CYFIP2: variants seen among roughly 807,000 people sequenced by gnomAD.
The protein encoded by CYFIP2 is cytoplasmic FMR1-interacting protein 2.
A neutral mutation model predicts 158.7 loss-of-function variants in CYFIP2; 29 were observed. The observed-to-expected ratio is 0.18, with a 90% CI of 0.14 to 0.25. CYFIP2 has a LOEUF of 0.25. Among genes scored for constraint, CYFIP2 ranks in the 10% least tolerant of loss-of-function variants. The pLI is 1.00. For missense variants in CYFIP2, 852 were observed against 1,639.5 expected, an observed-to-expected ratio of 0.52 and a Z score of 8.29; for synonymous variants, 585 against 617.6, an observed-to-expected ratio of 0.95 and a Z score of 0.78.
At position 157,383,324 on chromosome 5, in the gene CYFIP2, C is replaced by G. The variant is rs779041559; in HGVS notation, c.3172C>G (p.Leu1058Val). 1.2e-6 allele frequency: 2 copies of G among 1,613,916 alleles called. No homozygotes were observed. The highest frequency in any genetic ancestry group is 8.5e-7 in the Non-Finnish European group (1 of 1,179,864). Residue 1058 changes from leucine to valine, a missense_variant, in exon 28 of 31, where the codon CTG (leucine) becomes GTG (valine). Physicochemically the swap from Leu to Val is conservative, Grantham distance 32. Transcript: ENST00000620254. ...GGAAGCCAAGTATGCCCCGCTCCACCTGGTCCCTCTGATCGAGCGGCTGGG... is the reference window on the plus strand; with the variant it reads ...GGAAGCCAAGTATGCCCCGCTCCACGTGGTCCCTCTGATCGAGCGGCTGGG... ...RLEAKYAPLH[L>V]VPLIERLGTP...
chr5:157,332,887 C>T (rs1385049278), intron 20 of CYFIP2, among the ~76,000 whole-genome samples: 1 of 152,174 alleles, frequency 6.6e-6, no homozygotes, highest in Non-Finnish European at 1.5e-5. Context: ...TTCAAGCTAT[C>T]CTCCTGTTGC....
intron 9 of CYFIP2, among the ~76,000 whole-genome samples, 187 bp downstream of exon 9, chr5:157,308,052 G>A (rs1759391798): frequency 1.3e-5 from 2 of 152,254 alleles, no homozygotes; most frequent in Admixed American, 1.3e-4. Context: ...CATTGATGGA[G>A]GCATTTATGC....
chr5:157,387,171 A>C (rs1162908737), intron 28 of CYFIP2, among the ~76,000 whole-genome samples: 1 of 152,256 alleles, frequency 6.6e-6, no homozygotes, highest in Non-Finnish European at 1.5e-5. Flanking sequence ...ACCTAAACAA[A>C]TCATACATAT....
intron 4 of CYFIP2, among the ~76,000 whole-genome samples, chr5:157,295,668 C>G (rs546949036): frequency 2.0e-5 from 3 of 152,350 alleles, no homozygotes; most frequent in Admixed American, 6.5e-5. Flanking sequence ...TTACATAAAA[C>G]TGTCTCATTC....
chr5:157,319,329 A>C (rs1760403443), intron 13 of CYFIP2, among the ~76,000 whole-genome samples: 1 of 152,238 alleles, frequency 6.6e-6, no homozygotes, highest in African/African-American at 2.4e-5. Flanking sequence ...AATTCTTTAG[A>C]AAATTTTATG....
intron 9 of CYFIP2, among the ~76,000 whole-genome samples, chr5:157,309,483 A>G (rs57653595): frequency 0.11 from 17,240 of 152,192 alleles, 1,440 homozygotes; most frequent in East Asian, 0.26. Context: ...GCTGTTGGCT[A>G]AGTGACCTTG....
Position 157,346,365 on chromosome 5 carries a change from G to A in CYFIP2, c.2673+5208G>A, listed in dbSNP as rs184460131. Among the ~76,000 whole-genome samples, 690 of 152,266 alleles carry A rather than the reference G, an allele frequency of 4.5e-3. 3 individuals are homozygous for A. The highest frequency in any genetic ancestry group is 9.5e-3 in the African/African-American group (393 of 41,550). Reference sequence around the variant, plus strand: ...GACCTGATTTAGAAATAGAGCCTTCGTAGATATAACTAGTTAAGGATCTCA... The same window carrying A: ...GACCTGATTTAGAAATAGAGCCTTCATAGATATAACTAGTTAAGGATCTCA... On this transcript the variant is annotated intron_variant, in intron 23 of 30. Coordinates refer to ENST00000620254, the MANE Select transcript of CYFIP2 (RefSeq NM_001037333.3).
At chr5:157,378,283 T>C (rs1377138354) in intron 26 of CYFIP2, among the ~76,000 whole-genome samples, 4 of 152,218 alleles carry the variant, frequency 2.6e-5, no homozygotes, top group Non-Finnish European at 4.4e-5. Flanking sequence ...GTATCAGTAA[T>C]TTCCTATTTC....
intron 26 of CYFIP2, among the ~76,000 whole-genome samples, chr5:157,368,397 C>T (rs959652998): frequency 6.6e-6 from 1 of 152,166 alleles, no homozygotes. Flanking sequence ...ATACACCCAC[C>T]TGTGCTTGAT....
intron 26 of CYFIP2, 24 bp from the exon 27 acceptor site, chr5:157,382,566 C>T (rs548923243): frequency 6.2e-7 from 1 of 1,613,030 alleles, no homozygotes; most frequent in African/African-American, 1.3e-5. Flanking sequence ...ATTGTTTTCT[C>T]TTTCTTTACC....
At chr5:157,290,905 A>G (rs1757771775) in intron 3 of CYFIP2, among the ~76,000 whole-genome samples, 1 of 152,208 alleles carries the variant, frequency 6.6e-6, no homozygotes, top group Admixed American at 6.5e-5. Flanking sequence ...TACGTAAACC[A>G]CATAACTGAC....
intron 1 of CYFIP2, among the ~76,000 whole-genome samples, chr5:157,268,955 G>T (rs182539096): frequency 6.0e-4 from 92 of 152,322 alleles, no homozygotes; most frequent in Non-Finnish European, 1.1e-3. Flanking sequence ...CCCAAGGGGT[G>T]CATGAAAGTG....
rs73307968 is a variant in CYFIP2, at chr5:157,383,305, C to T, written c.3153C>T (p.Ala1051=). Residue 1051 remains alanine (A), a synonymous_variant, in exon 28 of 31, where the codon GCC becomes GCT. Coordinates refer to ENST00000620254, the MANE Select transcript of CYFIP2 (RefSeq NM_001037333.3). The stretch of plus-strand genomic sequence containing the variant: ...AGGTCCGGATGAAACGTCTGGAAGC[C>T]AAGTATGCCCCGCTCCACCTGGTCC... ...RLEVRMKRLE[A]KYAPLHLVPL... The T allele has an allele frequency of 3.4e-3, 5,503 of 1,613,816 alleles. 170 individuals carry two copies. The African/African-American group carries it at 0.067, about 20-fold the overall frequency.
Position 157,311,354 on chromosome 5 carries a change from G to A in CYFIP2, c.993-310G>A, listed in dbSNP as rs1759704313. 3 of 418,230 alleles carry A rather than the reference G, an allele frequency of 7.2e-6. No homozygotes were observed. The highest frequency in any genetic ancestry group is 7.1e-5 in the Admixed American group (2 of 27,984). The allele number at this position is 418,230 out of a possible 1,614,324, so 25.9% of individuals were successfully genotyped here. A position where few individuals can be genotyped will look rare whatever the true frequency, so the allele number is the denominator to read the frequency against. On this transcript the variant is annotated intron_variant, in intron 10 of 30. Transcript: ENST00000620254. This position sits in a 1 kb window ranked among gnomAD's most constrained non-coding sequence, Gnocchi z 4.7. ...TGTGCTCAGATTCCATCCCTTTGTA[G>A]TCCTAGAGAGGCTGTGTTCCCGCCC...
intron 3 of CYFIP2, among the ~76,000 whole-genome samples, 178 bp from the exon 4 acceptor site, chr5:157,294,605 A>G (rs1310812927): frequency 1.3e-5 from 2 of 152,144 alleles, no homozygotes; most frequent in Non-Finnish European, 2.9e-5. Context: ...TGAAATGCAC[A>G]TTCTTATTGC....
chr5:157,320,800 C>A lies in CYFIP2; in HGVS notation c.1669C>A (p.Gln557Lys), dbSNP rs1397162142. Residue 557 changes from glutamine to lysine, a missense_variant and splice_region_variant, in exon 15 of 31, where the codon CAG becomes AAG. Physicochemically the swap from Gln to Lys is moderately conservative, Grantham distance 53. This residue lies in a region of CYFIP2 where 167 missense variants were observed against 343.3 expected (regional missense o/e 0.49). Transcript: ENST00000620254. Reference sequence around the variant, plus strand: ...GCGTGCTGTGGGGCCATCCAGCACACAGGTAAGCGGCTCCAGGCACAGGCC... The same window carrying A: ...GCGTGCTGTGGGGCCATCCAGCACAAAGGTAAGCGGCTCCAGGCACAGGCC... Reference protein sequence around the residue: ...PRRAVGPSSTQLYMVRTMLES... With the variant: ...PRRAVGPSSTKLYMVRTMLES... 1 of 1,579,878 alleles carries A rather than the reference C, an allele frequency of 6.3e-7. No individual in the cohort carries two copies. Among genetic ancestry groups the A allele is most frequent in the African/African-American group, 1.4e-5 (1 of 73,926 alleles).
chr5:157,271,712 G>A (rs1270571767), intron 1 of CYFIP2: 1 of 152,230 alleles, frequency 6.6e-6, no homozygotes, highest in Non-Finnish European at 1.5e-5. Flanking sequence ...CCCTTTTAGA[G>A]TGAGTGAAAA....
chr5:157,304,823 T>C (rs941501267), intron 8 of CYFIP2: 1 of 154,324 alleles, frequency 6.5e-6, no homozygotes, highest in African/African-American at 2.4e-5. Context: ...CATGGAAAAG[T>C]TCTTTGCTGG....
chr5:157,350,360 C>A (rs111269811), intron 23 of CYFIP2, among the ~76,000 whole-genome samples: 9,901 of 152,274 alleles, frequency 0.065, 446 homozygotes, highest in Non-Finnish European at 0.098. Context: ...ATTATCCCAG[C>A]ACCATTTGTT....
Sources: allele counts gnomAD v4.1 joint callset (sites outside exome capture counted in the v4.1 genomes callset), GRCh38; gene constraint gnomAD v4.1.1; regional missense constraint gnomAD v4.1.1; non-coding constraint Gnocchi (gnomAD v3.1); transcripts MANE v1.5; gene names NCBI Gene and HGNC (gene_info 2026-07-23, HGNC 2026-07-21).